Variants in NCKAP5 observed in about 807,000 individuals in gnomAD.
NCKAP5 encodes nck-associated protein 5.
Under a neutral mutation model 167.0 loss-of-function variants are expected in NCKAP5, and 92 were observed. The observed-to-expected ratio is 0.55, with a 90% confidence interval of 0.47 to 0.66. The LOEUF (loss-of-function observed/expected upper bound fraction) is 0.66. NCKAP5 is among the 30% of genes least tolerant of loss of function. NCKAP5 has a pLI of 0.00. For missense variants in NCKAP5, 2,378 were observed against 2,315.0 expected, an observed-to-expected ratio of 1.03 and a Z score of -0.56; for synonymous variants, 891 against 877.4, an observed-to-expected ratio of 1.02 and a Z score of -0.27.
chr2:133,363,742 G>A (rs994576182), intron 3 of NCKAP5, among the ~76,000 whole-genome samples: 1 of 152,038 alleles, frequency 6.6e-6, no homozygotes, highest in Non-Finnish European at 1.5e-5. Flanking sequence ...AAAAATACTA[G>A]ATGGACTTTT....
chr2:132,821,133 C>A (rs1686699424), intron 11 of NCKAP5, among the ~76,000 whole-genome samples: 1 of 152,088 alleles, frequency 6.6e-6, no homozygotes, highest in Non-Finnish European at 1.5e-5. Context: ...CCGGAAAAAC[C>A]AAAAGAATTC....
In NCKAP5 at chr2:133,511,304, G is replaced by A. The variant is rs1217952403; in HGVS notation, c.69+6154C>T. Among the ~76,000 whole-genome samples, 5 of 152,252 alleles carry A rather than the reference G, an allele frequency of 3.3e-5. No homozygotes were observed. The East Asian group carries it at 9.6e-4, about 29-fold the overall frequency. On this transcript the variant is annotated intron_variant, in intron 3 of 19. Transcript: ENST00000409261. ...TTGCAGCAAGTAGCACCTGTGGGTG[G>A]TGCCCTCCTGGCCCAGCCTCCCCTG... is the stretch of plus-strand genomic sequence containing the variant.
chr2:133,473,260 A>T (rs537281359), intron 3 of NCKAP5, among the ~76,000 whole-genome samples: 62 of 151,934 alleles, frequency 4.1e-4, no homozygotes, highest in African/African-American at 1.4e-3. Flanking sequence ...TGAACCCGGG[A>T]GTCAGAGGTT....
chr2:133,129,583 T>C (rs1207966349), intron 6 of NCKAP5, among the ~76,000 whole-genome samples: 1 of 152,194 alleles, frequency 6.6e-6, no homozygotes, highest in Non-Finnish European at 1.5e-5. Context: ...TATAGCAGCA[T>C]GATTTATAAT....
intron 9 of NCKAP5, among the ~76,000 whole-genome samples, chr2:132,875,016 T>C (rs143403380): frequency 2.1e-3 from 323 of 152,256 alleles, no homozygotes; most frequent in Middle Eastern, 3.4e-3. Context: ...TGTTACTGTA[T>C]CTAAACTTGG....
chr2:133,441,188 T>C (rs150251962), intron 3 of NCKAP5, among the ~76,000 whole-genome samples: 152 of 152,228 alleles, frequency 1.0e-3, no homozygotes, highest in African/African-American at 3.6e-3. Flanking sequence ...TGTGTGCTAA[T>C]TGTAGTAACT....
intron 3 of NCKAP5, among the ~76,000 whole-genome samples, chr2:133,335,748 G>C (rs1683169599): frequency 6.6e-6 from 1 of 152,102 alleles, no homozygotes; most frequent in African/African-American, 2.4e-5. Context: ...TCAATTGCCT[G>C]TTATGAAAAT....
chr2:132,932,411 G>A (rs908463075), intron 8 of NCKAP5, among the ~76,000 whole-genome samples: 1 of 152,112 alleles, frequency 6.6e-6, no homozygotes, highest in African/African-American at 2.4e-5. Context: ...TAAGCATCAA[G>A]TTAGAGACAG....
At chr2:133,209,712 T>A (rs1184220329) in intron 5 of NCKAP5, among the ~76,000 whole-genome samples, 1 of 152,108 alleles carries the variant, frequency 6.6e-6, no homozygotes, top group Non-Finnish European at 1.5e-5. Flanking sequence ...AAGTCTTAAG[T>A]TTAATTGTAG....
At chr2:133,390,856 A>G (rs930185418) in intron 3 of NCKAP5, among the ~76,000 whole-genome samples, 3 of 152,242 alleles carry the variant, frequency 2.0e-5, no homozygotes, top group Non-Finnish European at 1.5e-5. Context: ...GTGTGTATTC[A>G]GGGGCAAGAA....
intron 16 of NCKAP5, among the ~76,000 whole-genome samples, chr2:132,757,202 G>C (rs2104830221): frequency 6.6e-6 from 1 of 152,268 alleles, no homozygotes; most frequent in Non-Finnish European, 1.5e-5. Flanking sequence ...AAAATGAGTG[G>C]AGCAGACACT....
chr2:132,770,853 T>C (rs1681981702), intron 16 of NCKAP5, among the ~76,000 whole-genome samples: 1 of 152,234 alleles, frequency 6.6e-6, no homozygotes, highest in Non-Finnish European at 1.5e-5. Context: ...AAATTCCTAT[T>C]GCCTAGTGAC....
At chr2:133,481,979 C>T (rs930890589) in intron 3 of NCKAP5, among the ~76,000 whole-genome samples, 47 of 152,142 alleles carry the variant, frequency 3.1e-4, no homozygotes, top group African/African-American at 1.1e-3. Context: ...TTCACCCACC[C>T]TCTCCTCTAA....
rs544280700 is a variant in NCKAP5 at position 133,008,063 on chromosome 2, C to T, written c.342-13824G>A. On this transcript the variant is annotated intron_variant, in intron 6 of 19. Transcript: ENST00000409261. ...GTGAGGACTGAAGATATATATGGGA[C>T]TACTACTCAGTGACTGGCAGCCCAG... 3.3e-5 allele frequency among the ~76,000 whole-genome samples: 5 copies of T among 152,248 alleles called. No individual in the cohort carries two copies. The South Asian group carries it at 1.0e-3, about 32-fold the overall frequency.
intron 16 of NCKAP5, among the ~76,000 whole-genome samples, chr2:132,754,700 T>C (rs1395705455): frequency 6.6e-6 from 1 of 152,234 alleles, no homozygotes; most frequent in African/African-American, 2.4e-5. Context: ...TCACATAATT[T>C]GGGAACTACT....
intron 3 of NCKAP5, among the ~76,000 whole-genome samples, chr2:133,514,255 T>C (rs745670460): frequency 6.6e-6 from 1 of 152,188 alleles, no homozygotes; most frequent in African/African-American, 2.4e-5. Flanking sequence ...TACGTATCAC[T>C]TTCTCCTTTA....
the NCKAP5 span, among the ~76,000 whole-genome samples, chr2:133,642,845 A>C: frequency 6.6e-6 from 1 of 152,202 alleles, no homozygotes; most frequent in African/African-American, 2.4e-5. Flanking sequence ...TCATGTAAAA[A>C]CCATTATCTA....
chr2:133,196,079 A>G (rs753699237), intron 5 of NCKAP5, among the ~76,000 whole-genome samples: 21 of 152,198 alleles, frequency 1.4e-4, no homozygotes, highest in Non-Finnish European at 2.4e-4. Context: ...AGAAGAAACC[A>G]GGTAACGTTT....
At chr2:132,719,797 C>T (rs375079375) in intron 19 of NCKAP5, among the ~76,000 whole-genome samples, 47 of 152,226 alleles carry the variant, frequency 3.1e-4, no homozygotes, top group East Asian at 2.7e-3. Flanking sequence ...GAGTCCAGGG[C>T]GACTCCTTGC....
Sources: gnomAD v4.1 joint callset for allele counts (sites outside exome capture counted in the v4.1 genomes callset) on GRCh38, gnomAD v4.1.1 for gene constraint, MANE v1.5 for transcripts, NCBI Gene and HGNC (gene_info 2026-07-23, HGNC 2026-07-21) for gene names.